The following GALNT10 variants were observed in gnomAD, a reference collection of about 807,000 sequenced individuals.
GALNT10 encodes the protein polypeptide N-acetylgalactosaminyltransferase 10.
GALNT10 carries 41 observed loss-of-function variants against 75.0 expected under a neutral mutation model. That is an observed-to-expected ratio of 0.55 (90% CI 0.43 to 0.71). GALNT10 has a LOEUF of 0.71. Ranked by LOEUF, GALNT10 falls within the 30% of genes least tolerant of loss-of-function variation. The pLI, the probability that GALNT10 is intolerant of heterozygous loss-of-function variation, is 0.00. For synonymous variants in GALNT10, 302 were observed against 313.0 expected (o/e 0.96, Z 0.37); for missense variants, 727 against 818.5 (o/e 0.89, Z 1.36).
chr5:154,236,489 T>G (rs1753247789), intron 1 of GALNT10, among the ~76,000 whole-genome samples: 1 of 152,216 alleles, frequency 6.6e-6, no homozygotes, highest in African/African-American at 2.4e-5. Context: ...GCTCCTCTGG[T>G]CTTCTTTTTA....
intron 1 of GALNT10, among the ~76,000 whole-genome samples, chr5:154,250,889 T>C (rs2351232): frequency 0.65 from 98,541 of 152,004 alleles, 32,376 homozygotes; most frequent in East Asian, 0.86. Context: ...ATTTGCCACA[T>C]GTCTGGTTTC....
intron 1 of GALNT10, among the ~76,000 whole-genome samples, chr5:154,227,281 G>A (rs530147538): frequency 6.6e-6 from 1 of 152,330 alleles, no homozygotes; most frequent in South Asian, 2.1e-4. Context: ...CAGTATATGA[G>A]AATTTCAGTT....
intron 1 of GALNT10, among the ~76,000 whole-genome samples, chr5:154,275,027 C>T (rs1312624239): frequency 6.6e-6 from 1 of 152,220 alleles, no homozygotes; most frequent in African/African-American, 2.4e-5. Context: ...TGGCTTTCTC[C>T]TGGTTCTGAC....
At chr5:154,267,543 GTC>G (rs1753797520) in intron 1 of GALNT10, among the ~76,000 whole-genome samples, 1 of 152,232 alleles carries the variant, frequency 6.6e-6, no homozygotes. Context: ...TAGGGCCCAT[GTC>G]TTGCTGGAAA....
At chr5:154,348,389 A>T (rs1733584155) in intron 4 of GALNT10, among the ~76,000 whole-genome samples, 1 of 152,248 alleles carries the variant, frequency 6.6e-6, no homozygotes, top group Admixed American at 6.5e-5. Flanking sequence ...TATTCATACC[A>T]TAAAGCTATA....
At chr5:154,340,869 G>T (rs868387382) in intron 4 of GALNT10, among the ~76,000 whole-genome samples, 1 of 152,110 alleles carries the variant, frequency 6.6e-6, no homozygotes, top group Non-Finnish European at 1.5e-5. Flanking sequence ...CCAAAAATAG[G>T]CGACAGTTGA....
intron 1 of GALNT10, among the ~76,000 whole-genome samples, chr5:154,198,659 T>C (rs1774982029): frequency 6.6e-6 from 1 of 152,186 alleles, no homozygotes; most frequent in Admixed American, 6.5e-5. Context: ...TGGGGATGCC[T>C]TCTCAACTCC....
chr5:154,360,013 T>C (rs1397336861), intron 4 of GALNT10, among the ~76,000 whole-genome samples: 2 of 152,146 alleles, frequency 1.3e-5, no homozygotes, highest in Non-Finnish European at 2.9e-5. Flanking sequence ...CTTCACTATT[T>C]ACACCATGAG....
At chr5:154,388,073 G>A (rs901995317) in intron 7 of GALNT10, 1 of 151,830 alleles carries the variant, frequency 6.6e-6, no homozygotes, top group Non-Finnish European at 1.5e-5. Flanking sequence ...CCCAGCTAAT[G>A]TAGAGATAGG....
chr5:154,259,490 G>C (rs1336403581), intron 1 of GALNT10, among the ~76,000 whole-genome samples: 1 of 152,118 alleles, frequency 6.6e-6, no homozygotes, highest in African/African-American at 2.4e-5. Flanking sequence ...TTTTGGAGGT[G>C]CTTTGAGATT....
In GALNT10 at chr5:154,416,209, G is replaced by T. The variant is rs1756505389; in HGVS notation, c.1653+277G>T. Among the ~76,000 whole-genome samples, 1 of 152,136 alleles carries T rather than the reference G, an allele frequency of 6.6e-6. No individual in the cohort carries two copies. The highest frequency in any genetic ancestry group is 6.6e-5 in the Admixed American group (1 of 15,266). ...AATCCCAGCACTTTGGGAGGCTGAG[G>T]TGGGTGGATCACCTGAGGTCAGGAG... On this transcript the variant is annotated intron_variant, in intron 11 of 11. Coordinates refer to ENST00000297107, the MANE Select transcript of GALNT10 (RefSeq NM_198321.4). The surrounding 1 kb of genome is among the most constrained non-coding windows in gnomAD (Gnocchi z 4.5).
intron 1 of GALNT10, among the ~76,000 whole-genome samples, chr5:154,232,153 C>G (rs1753161373): frequency 1.3e-5 from 2 of 152,176 alleles, no homozygotes; most frequent in South Asian, 4.1e-4. Context: ...GAAAGCCACC[C>G]CACAGGCCCA....
rs1011327432 is a variant in GALNT10 at position 154,353,553 on chromosome 5, GCTGT to G, written c.569-22719_569-22716del. The stretch of plus-strand genomic sequence containing the variant: ...AGGGAGGGCTAGACCACTGAGCTGG[GCTGT>G]CTGTGTCTTTCTCTGCCGAGCCCTT... On this transcript the variant is annotated intron_variant, in intron 4 of 11. Transcript: ENST00000297107. 1.3e-3 allele frequency among the ~76,000 whole-genome samples: 195 copies of G among 152,364 alleles called. 1 individual carries two copies. The highest frequency in any genetic ancestry group is 4.5e-3 in the African/African-American group (189 of 41,588).
intron 4 of GALNT10, among the ~76,000 whole-genome samples, chr5:154,369,378 A>G (rs1755528772): frequency 6.6e-6 from 1 of 152,094 alleles, no homozygotes; most frequent in Non-Finnish European, 1.5e-5. Context: ...ACAAAGTGAG[A>G]CCTCGTCTCA....
chr5:154,225,840 G>A (rs554951098), intron 1 of GALNT10, among the ~76,000 whole-genome samples: 34 of 70,966 alleles, frequency 4.8e-4, no homozygotes, highest in Admixed American at 1.6e-3. Flanking sequence ...CCTCTCATCT[G>A]CTAAAAGAGT....
chr5:154,269,047 A>G (rs1753819908), intron 1 of GALNT10, among the ~76,000 whole-genome samples: 1 of 150,484 alleles, frequency 6.6e-6, no homozygotes, highest in Non-Finnish European at 1.5e-5. Flanking sequence ...GCTCAAATGC[A>G]CCATCTCAGC....
intron 1 of GALNT10, among the ~76,000 whole-genome samples, chr5:154,248,428 A>G (rs1753465658): frequency 6.6e-6 from 1 of 152,148 alleles, no homozygotes; most frequent in Non-Finnish European, 1.5e-5. Flanking sequence ...TCAGCTGTGA[A>G]TCCATCTGGT....
intron 1 of GALNT10, among the ~76,000 whole-genome samples, chr5:154,215,763 C>G (rs925542434): frequency 6.6e-6 from 1 of 152,194 alleles, no homozygotes; most frequent in Non-Finnish European, 1.5e-5. Context: ...GTTAGCCAGT[C>G]TCCAAAGTGT....
At chr5:154,234,730 G>A (rs1256777614) in intron 1 of GALNT10, among the ~76,000 whole-genome samples, 1 of 152,190 alleles carries the variant, frequency 6.6e-6, no homozygotes, top group African/African-American at 2.4e-5. Flanking sequence ...CTGCATATAC[G>A]GGATTGGTCC....
Sources: allele counts gnomAD v4.1 joint callset (sites outside exome capture counted in the v4.1 genomes callset), GRCh38; gene constraint gnomAD v4.1.1; non-coding constraint Gnocchi (gnomAD v3.1); transcripts MANE v1.5; gene names NCBI Gene and HGNC (gene_info 2026-07-23, HGNC 2026-07-21).